Variants in SAE1 observed in about 807,000 individuals in gnomAD.
SAE1 encodes SUMO1 activating enzyme subunit 1, also known as SUMO-activating enzyme subunit 1.
A neutral mutation model predicts 40.6 loss-of-function variants in SAE1; 11 were observed. That is an observed-to-expected ratio of 0.27 (90% CI 0.17 to 0.45). The LOEUF is 0.45. Among genes scored for constraint, SAE1 ranks in the 20% least tolerant of loss-of-function variants. The pLI is 1.00. For synonymous variants in SAE1, 155 were observed against 154.3 expected, an observed-to-expected ratio of 1.00 and a Z score of -0.03; for missense variants, 373 against 427.3, an observed-to-expected ratio of 0.87 and a Z score of 1.12.
chr19:47,150,937 A>G (rs1332293815), intron 3 of SAE1, among the ~76,000 whole-genome samples: 1 of 152,192 alleles, frequency 6.6e-6, no homozygotes, highest in East Asian at 1.9e-4. Flanking sequence ...ATCCAGCCTC[A>G]TTTAGTTTCA....
At position 47,209,218 on chromosome 19, in the gene SAE1, G is replaced by T. The variant is rs749667929; in HGVS notation, c.1008G>T (p.Gly336=). 1 of 1,614,108 alleles carries T rather than the reference G, an allele frequency of 6.2e-7. No homozygotes were observed. Among genetic ancestry groups the T allele is most frequent in the South Asian group, 1.1e-5 (1 of 91,076 alleles). ...TCTTCTTCTTCGATGGCATGAAGGGGAATGGGATTGTGGAGTGCCTTGGCC... is the reference window on the plus strand; with the variant it reads ...TCTTCTTCTTCGATGGCATGAAGGGTAATGGGATTGTGGAGTGCCTTGGCC... ...NNFFFFDGMK[G]NGIVECLGPK The change falls in exon 9 of 9, where the codon GGG becomes GGT. Residue 336 remains glycine (G), a synonymous_variant. Coordinates refer to ENST00000270225, the MANE Select transcript of SAE1 (RefSeq NM_005500.3).
At chr19:47,140,843 T>TATTTA (rs777587043) in intron 1 of SAE1, among the ~76,000 whole-genome samples, 2 of 151,922 alleles carry the variant, frequency 1.3e-5, no homozygotes, top group Admixed American at 6.6e-5. Context: ...GGCAGTTGAG[T>TATTTA]ATTTAATTTA....
chr19:47,176,209 T>C (rs931496268), intron 6 of SAE1, among the ~76,000 whole-genome samples: 5 of 152,220 alleles, frequency 3.3e-5, no homozygotes, highest in African/African-American at 1.2e-4. Flanking sequence ...TTTGCTTTCT[T>C]GGCAGCATGA....
chr19:47,131,697 C>CTTTTTT (rs554165710), intron 1 of SAE1, among the ~76,000 whole-genome samples: 8 of 84,138 alleles, frequency 9.5e-5, no homozygotes, highest in Non-Finnish European at 1.6e-4. Context: ...TTAGGGAATT[C>CTTTTTT]TTTTTTTTTT....
At chr19:47,206,740 G>T (rs931907018) in intron 8 of SAE1, among the ~76,000 whole-genome samples, 7 of 152,100 alleles carry the variant, frequency 4.6e-5, no homozygotes, top group African/African-American at 1.7e-4. Context: ...TGGCTAGGTT[G>T]GTGGCATCCC....
At chr19:47,144,155 A>G (rs11671631) in intron 2 of SAE1, among the ~76,000 whole-genome samples, 25,844 of 151,944 alleles carry the variant, frequency 0.17, 2,290 homozygotes, top group East Asian at 0.36. Context: ...CCAACATGGC[A>G]AAACTCTGTC....
intron 8 of SAE1, among the ~76,000 whole-genome samples, chr19:47,207,396 C>T (rs2058691881): frequency 6.6e-6 from 1 of 152,136 alleles, no homozygotes; most frequent in Non-Finnish European, 1.5e-5. Flanking sequence ...GCCCCACCTT[C>T]CTCATGAATG....
At chr19:47,158,864 A>G (rs946082442) in intron 5 of SAE1, among the ~76,000 whole-genome samples, 4 of 152,170 alleles carry the variant, frequency 2.6e-5, no homozygotes, top group East Asian at 1.9e-4. Flanking sequence ...GGCTCACCCT[A>G]TGATTTACAA....
chr19:47,169,357 T>C lies in SAE1; in HGVS notation c.628-461T>C, dbSNP rs1372522713. 2.0e-5 allele frequency among the ~76,000 whole-genome samples: 3 copies of C among 152,254 alleles called. No homozygotes were observed. The South Asian group carries it at 6.2e-4, about 32-fold the overall frequency. ...ACCTCCTGGGTTCAAGCGATTCTCC[T>C]GCCTCAGCCTCCCAAGTATCTGGGA... On this transcript the variant is annotated intron_variant, in intron 5 of 8. Transcript: ENST00000270225.
chr19:47,157,817 C>G (rs544276336), intron 5 of SAE1, among the ~76,000 whole-genome samples: 4 of 152,266 alleles, frequency 2.6e-5, no homozygotes, highest in African/African-American at 7.2e-5. Context: ...CTTAAGGTTA[C>G]GAGGCATTCA....
At chr19:47,133,095 C>G (rs184427970) in intron 1 of SAE1, among the ~76,000 whole-genome samples, 3 of 152,272 alleles carry the variant, frequency 2.0e-5, no homozygotes, top group African/African-American at 7.2e-5. Flanking sequence ...CCCAGAGGCC[C>G]AGGCATGATT....
Position 47,171,608 on chromosome 19 carries a change from C to T in SAE1, c.733+1685C>T, listed in dbSNP as rs144045879. ...CTGGGATCACAGGCACCTGCCACCA[C>T]GCTTGGCTAATTTTTTGTATTTTTA... On this transcript the variant is annotated intron_variant, in intron 6 of 8. Transcript: ENST00000270225. Among the ~76,000 whole-genome samples, 1,092 of 152,240 alleles carry T rather than the reference C, an allele frequency of 7.2e-3. 11 individuals are homozygous for T. The highest frequency in any genetic ancestry group is 0.025 in the African/African-American group (1,052 of 41,562).
rs1381105472 is a variant in SAE1, at chr19:47,203,595, C to G, written c.879-76C>G. ...AGTTGTTTTTATTCAGGAGAGCCTA[C>G]TACTGAATTTCTCCAGATGTCATGG... On this transcript the variant is annotated intron_variant, in intron 7 of 8. Transcript: ENST00000270225. 26 of 1,338,892 alleles carry G rather than the reference C, an allele frequency of 1.9e-5. 1 individual carries two copies. The South Asian group carries it at 2.6e-4, about 13-fold the overall frequency. 82.9% of individuals were successfully genotyped at this position (1,338,892 alleles called of 1,614,324 possible).
At chr19:47,168,360 A>G (rs913904326) in intron 5 of SAE1, among the ~76,000 whole-genome samples, 8 of 151,966 alleles carry the variant, frequency 5.3e-5, no homozygotes, top group African/African-American at 1.9e-4. Flanking sequence ...GCTGGAGTGC[A>G]GTGGTACGAT....
At chr19:47,183,305 A>G (rs1292712667) in intron 6 of SAE1, among the ~76,000 whole-genome samples, 1 of 151,956 alleles carries the variant, frequency 6.6e-6, no homozygotes, top group Non-Finnish European at 1.5e-5. Flanking sequence ...ACATGAGGAA[A>G]TTGAATCTTG....
intron 2 of SAE1, among the ~76,000 whole-genome samples, chr19:47,149,760 A>G: frequency 6.6e-6 from 1 of 152,278 alleles, no homozygotes; most frequent in African/African-American, 2.4e-5. Flanking sequence ...AAGCCTGCAT[A>G]AGGCAAATTG....
Position 47,139,791 on chromosome 19 carries a change from C to T in SAE1, c.99-3703C>T, listed in dbSNP as rs1199538133. On this transcript the variant is annotated intron_variant, in intron 1 of 8. Transcript: ENST00000270225. ...TTTTTTTTTGTATTTTTAGTAGAAA[C>T]GGGGTTTTACCATGTTAGCCAGGAT... is the stretch of plus-strand genomic sequence containing the variant. Among the ~76,000 whole-genome samples the T allele has an allele frequency of 1.1e-4, 13 of 120,104 alleles. 1 individual carries two copies. Among genetic ancestry groups the T allele is most frequent in the South Asian group, 5.5e-4 (2 of 3,652 alleles). 78.8% of individuals were successfully genotyped at this position (120,104 alleles called of 152,430 possible). A position where few individuals can be genotyped will look rare whatever the true frequency, so the allele number is the denominator to read the frequency against.
At chr19:47,145,194 G>T (rs1424552256) in intron 2 of SAE1, among the ~76,000 whole-genome samples, 1 of 152,082 alleles carries the variant, frequency 6.6e-6, no homozygotes, top group Non-Finnish European at 1.5e-5. Context: ...TAGAGACCGG[G>T]TTTCTCCATG....
rs551617999 is a variant in SAE1, at chr19:47,197,230, C to T, written c.734-3C>T. 2.9e-4 allele frequency: 457 copies of T among 1,594,172 alleles called. 4 individuals carry two copies. In the South Asian group the frequency reaches 5.0e-3, roughly 18 times the overall value. ...TAACCTGCCTTCTTTTTCTTATTCC[C>T]AGTGCTCTTAAAGTTCCGTACAGAT... On this transcript the variant is annotated splice_polypyrimidine_tract_variant and splice_region_variant and intron_variant, in intron 6 of 8. Transcript: ENST00000270225.
Sources: gnomAD v4.1 joint callset for allele counts (sites outside exome capture counted in the v4.1 genomes callset) on GRCh38, gnomAD v4.1.1 for gene constraint, MANE v1.5 for transcripts, NCBI Gene and HGNC (gene_info 2026-07-23, HGNC 2026-07-21) for gene names.